The following SLC8A1 variants were observed in gnomAD, a reference collection of about 807,000 sequenced individuals.
SLC8A1 encodes the protein solute carrier family 8 member A1.
SLC8A1 carries 18 observed loss-of-function variants against 68.3 expected under a neutral mutation model. That is an observed-to-expected ratio of 0.26 (90% CI 0.18 to 0.39). The LOEUF (loss-of-function observed/expected upper bound fraction) is 0.39, where lower values mean the gene tolerates loss of function less well. Ranked by LOEUF, SLC8A1 falls within the 10% of genes least tolerant of loss-of-function variation. SLC8A1 has a pLI of 1.00. For synonymous variants in SLC8A1, 475 were observed against 415.5 expected (o/e 1.14, Z -1.74); for missense variants, 985 against 1,156.7 (o/e 0.85, Z 2.15).
Position 40,288,834 on chromosome 2 carries a change from C to CATATATATATATATATATATAT in SLC8A1, c.1809-110980_1809-110979insATATATATATATATATATATAT, listed in dbSNP as rs145077257. Among the ~76,000 whole-genome samples, 604 of 132,398 alleles carry CATATATATATATATATATATAT rather than the reference C, an allele frequency of 4.6e-3. 20 individuals are homozygous for CATATATATATATATATATATAT. Among genetic ancestry groups the CATATATATATATATATATATAT allele is most frequent in the African/African-American group, 0.02 (574 of 29,136 alleles). 86.9% of individuals were successfully genotyped at this position (132,398 alleles called of 152,430 possible). A position where few individuals can be genotyped will look rare whatever the true frequency, so the allele number is the denominator to read the frequency against. On this transcript the variant is annotated intron_variant, in intron 2 of 7. Coordinates refer to ENST00000406785, the Ensembl canonical transcript of SLC8A1. The stretch of plus-strand genomic sequence containing the variant: ...TTCGAAAATGTCTCTACTAAGTAAT[C>CATATATATATATATATATATAT]ATATATATATATATATATGTATATA...
chr2:40,305,430 T>C (rs953165417), intron 2 of SLC8A1, among the ~76,000 whole-genome samples: 2 of 152,206 alleles, frequency 1.3e-5, no homozygotes, highest in African/African-American at 2.4e-5. Flanking sequence ...AAAGTGTCTC[T>C]AGACATTGCC....
intron 1 of SLC8A1, among the ~76,000 whole-genome samples, chr2:40,511,682 C>A (rs1464431536): frequency 1.3e-5 from 2 of 151,790 alleles, no homozygotes; most frequent in African/African-American, 4.8e-5. Context: ...AGTTTTCAGT[C>A]AGTAGAAAAA....
intron 2 of SLC8A1, among the ~76,000 whole-genome samples, chr2:40,355,739 T>C (rs942868932): frequency 3.3e-5 from 5 of 152,160 alleles, no homozygotes; most frequent in African/African-American, 1.2e-4. Context: ...CAGGTCATCA[T>C]TCGAATGTCA....
At chr2:40,364,654 C>G (rs1255376032) in intron 2 of SLC8A1, among the ~76,000 whole-genome samples, 1 of 151,966 alleles carries the variant, frequency 6.6e-6, no homozygotes, top group Admixed American at 6.6e-5. Flanking sequence ...GCTGTTAGTA[C>G]TACTATATCC....
intron 4 of SLC8A1, among the ~76,000 whole-genome samples, chr2:40,166,348 G>T (rs2046557571): frequency 6.6e-6 from 1 of 152,132 alleles, no homozygotes; most frequent in African/African-American, 2.4e-5. Context: ...CCAACAAAAG[G>T]CAAAAGCAGA....
At chr2:40,294,102 T>G (rs977330753) in intron 2 of SLC8A1, among the ~76,000 whole-genome samples, 2 of 152,178 alleles carry the variant, frequency 1.3e-5, no homozygotes, top group Non-Finnish European at 2.9e-5. Context: ...GATATCTTTA[T>G]GCTCAAAATG....
intron 2 of SLC8A1, among the ~76,000 whole-genome samples, chr2:40,360,857 G>C (rs183171794): frequency 6.6e-6 from 1 of 152,242 alleles, no homozygotes; most frequent in East Asian, 1.9e-4. Flanking sequence ...GGGCCACACA[G>C]TGTTGTGGTT....
At chr2:40,253,496 G>C (rs549542427) in intron 2 of SLC8A1, among the ~76,000 whole-genome samples, 1 of 152,130 alleles carries the variant, frequency 6.6e-6, no homozygotes, top group South Asian at 2.1e-4. Context: ...AGATAAAAAA[G>C]TGGATTTCAT....
At chr2:40,394,835 A>T (rs1686425672) in intron 2 of SLC8A1, among the ~76,000 whole-genome samples, 1 of 152,116 alleles carries the variant, frequency 6.6e-6, no homozygotes, top group Non-Finnish European at 1.5e-5. Context: ...AAGGCCACAG[A>T]AGTTGTCATT....
At chr2:40,296,343 G>A (rs1169250198) in intron 2 of SLC8A1, among the ~76,000 whole-genome samples, 1 of 152,138 alleles carries the variant, frequency 6.6e-6, no homozygotes, top group Non-Finnish European at 1.5e-5. Context: ...AGGTGCTACA[G>A]ACCAATGGAA....
chr2:40,302,349 A>T (rs1003044906), intron 2 of SLC8A1, among the ~76,000 whole-genome samples: 1 of 151,414 alleles, frequency 6.6e-6, no homozygotes, highest in Non-Finnish European at 1.5e-5. Context: ...TTCCTGAGTT[A>T]CTTCCCTTAG....
At chr2:40,310,375 G>A (rs2073452685) in intron 2 of SLC8A1, among the ~76,000 whole-genome samples, 1 of 152,162 alleles carries the variant, frequency 6.6e-6, no homozygotes, top group African/African-American at 2.4e-5. Flanking sequence ...GGTCATAATT[G>A]AGAATTGAGG....
chr2:40,107,803 G>C (rs768133417), exon 8 of SLC8A1: 1 of 152,198 alleles, frequency 6.6e-6, no homozygotes, highest in Non-Finnish European at 1.5e-5. Context: ...TGTAGCAAGA[G>C]AGGGGACAGA....
At chr2:40,356,642 T>G (rs943317190) in intron 2 of SLC8A1, among the ~76,000 whole-genome samples, 2 of 150,886 alleles carry the variant, frequency 1.3e-5, no homozygotes, top group Non-Finnish European at 2.9e-5. Flanking sequence ...TTGGATAATG[T>G]TAAGATGTTG....
At chr2:40,293,929 G>T (rs147181232) in intron 2 of SLC8A1, among the ~76,000 whole-genome samples, 174 of 152,248 alleles carry the variant, frequency 1.1e-3, no homozygotes, top group African/African-American at 3.8e-3. Flanking sequence ...TTGATTGGGC[G>T]CAAAGATCAA....
In SLC8A1 at chr2:40,278,447, G is replaced by A. The variant is rs187113148; in HGVS notation, c.1809-100592C>T. 2.3e-3 allele frequency among the ~76,000 whole-genome samples: 346 copies of A among 151,562 alleles called. 4 individuals carry two copies. The highest frequency in any genetic ancestry group is 7.7e-3 in the African/African-American group (318 of 41,114). ...TCGCGCCACTGCACTCCAGCCTGGC[G>A]ACAGAGCGAGACTCTGTCTCAAACA... On this transcript the variant is annotated intron_variant, in intron 2 of 7. Coordinates refer to ENST00000406785, the Ensembl canonical transcript of SLC8A1.
At chr2:40,170,688 A>G (rs1005151984) in intron 4 of SLC8A1, among the ~76,000 whole-genome samples, 6 of 152,220 alleles carry the variant, frequency 3.9e-5, no homozygotes, top group African/African-American at 1.4e-4. Context: ...CGCTTGCAGA[A>G]GCATCATGGA....
chr2:40,387,642 T>G (rs1369839144), intron 2 of SLC8A1, among the ~76,000 whole-genome samples: 1 of 151,260 alleles, frequency 6.6e-6, no homozygotes, highest in African/African-American at 2.5e-5. Flanking sequence ...GGATATTAAC[T>G]TGGGGTACTT....
At chr2:40,408,480 A>G (rs1314051687) in intron 2 of SLC8A1, among the ~76,000 whole-genome samples, 2 of 152,194 alleles carry the variant, frequency 1.3e-5, no homozygotes, top group African/African-American at 4.8e-5. Context: ...AAACCACAGG[A>G]AATTTTGGCA....
Sources: gnomAD v4.1 joint callset for allele counts (sites outside exome capture counted in the v4.1 genomes callset) on GRCh38, gnomAD v4.1.1 for gene constraint, MANE v1.5 for transcripts, NCBI Gene and HGNC (gene_info 2026-07-23, HGNC 2026-07-21) for gene names.